The following SMAD9 variants were observed in gnomAD, a reference collection of about 807,000 sequenced individuals.
SMAD9 encodes the protein SMAD family member 9, also known as MAD homolog 9.
SMAD9 carries 36 observed loss-of-function variants against 46.1 expected under a neutral mutation model. The observed-to-expected ratio is 0.78, with a 90% CI of 0.60 to 1.03. The LOEUF (loss-of-function observed/expected upper bound fraction) is 1.03, where lower values mean the gene tolerates loss of function less well. SMAD9 is among the 50% of genes least tolerant of loss of function. The probability of loss-of-function intolerance (pLI) is 0.00; values close to 1 mark genes in which losing one functional copy is unlikely to be tolerated. For missense variants in SMAD9, 572 were observed against 599.8 expected, an observed-to-expected ratio of 0.95 and a Z score of 0.48; for synonymous variants, 245 against 237.1, an observed-to-expected ratio of 1.03 and a Z score of -0.31.
chr13:36,902,438 G>A (rs1246247820), intron 1 of SMAD9, among the ~76,000 whole-genome samples: 7 of 151,712 alleles, frequency 4.6e-5, no homozygotes, highest in Non-Finnish European at 1.0e-4. Context: ...TAGGAAATGC[G>A]AGTCCTTCAA....
chr13:36,856,254 A>G (rs2058123505), intron 5 of SMAD9, among the ~76,000 whole-genome samples: 2 of 152,228 alleles, frequency 1.3e-5, no homozygotes, highest in Admixed American at 6.5e-5. Context: ...TGGAGCTGCT[A>G]AGGATTTAGT....
chr13:36,914,444 G>A (rs1396863001), intron 1 of SMAD9, among the ~76,000 whole-genome samples: 4 of 152,102 alleles, frequency 2.6e-5, no homozygotes, highest in African/African-American at 9.7e-5. Flanking sequence ...GCATGAACCC[G>A]GGAGGTGGAG....
At chr13:36,877,332 G>A (rs1016808613) in intron 2 of SMAD9, among the ~76,000 whole-genome samples, 7 of 152,074 alleles carry the variant, frequency 4.6e-5, no homozygotes, top group Admixed American at 6.5e-5. Context: ...ACTGCACACC[G>A]GCCTGCCAAC....
chr13:36,859,420 T>C (rs1304130742), intron 5 of SMAD9, among the ~76,000 whole-genome samples: 6 of 152,104 alleles, frequency 3.9e-5, no homozygotes, highest in Admixed American at 3.9e-4. Flanking sequence ...TTCTAAGTCA[T>C]AGGATGAGAT....
intron 1 of SMAD9, among the ~76,000 whole-genome samples, chr13:36,883,488 C>T (rs970956596): frequency 6.6e-6 from 1 of 152,218 alleles, no homozygotes; most frequent in Admixed American, 6.5e-5. Context: ...CAGTGGCTCT[C>T]GCCTGTAATC....
At chr13:36,891,769 G>A (rs770959286) in intron 1 of SMAD9, among the ~76,000 whole-genome samples, 2 of 152,166 alleles carry the variant, frequency 1.3e-5, no homozygotes, top group Admixed American at 6.6e-5. Flanking sequence ...CAGTTATGGT[G>A]TAACTGAGGA....
chr13:36,892,665 G>C (rs2058497378), intron 1 of SMAD9, among the ~76,000 whole-genome samples: 1 of 152,110 alleles, frequency 6.6e-6, no homozygotes, highest in Non-Finnish European at 1.5e-5. Flanking sequence ...TTTCTCAGTA[G>C]GTTTAAGTTT....
At chr13:36,903,193 C>G (rs1028399059) in intron 1 of SMAD9, among the ~76,000 whole-genome samples, 2 of 144,342 alleles carry the variant, frequency 1.4e-5, no homozygotes, top group African/African-American at 5.2e-5. Flanking sequence ...GTGACGCCAT[C>G]TTAGCTCACT....
intron 5 of SMAD9, among the ~76,000 whole-genome samples, chr13:36,862,632 A>G (rs1399067021): frequency 6.6e-6 from 1 of 152,248 alleles, no homozygotes; most frequent in African/African-American, 2.4e-5. Flanking sequence ...TCAGTCGAAC[A>G]GCCCATGCTG....
Position 36,844,919 on chromosome 13 carries a change from A to C in SMAD9, c.*3757T>G, listed in dbSNP as rs1461824945. On this transcript the variant is annotated 3_prime_UTR_variant, in exon 7 of 7. Coordinates refer to ENST00000379826, the MANE Select transcript of SMAD9 (RefSeq NM_001127217.3). ...AACCGAAGCCAAGTTATTATAATAG[A>C]AAGCATGACTTCACTCAAATAGACA... 1 of 150,356 alleles carries C rather than the reference A, an allele frequency of 6.7e-6. No individual in the cohort carries two copies. Among genetic ancestry groups the C allele is most frequent in the African/African-American group, 2.4e-5 (1 of 41,296 alleles). The allele number at this position is 150,356 out of a possible 1,614,324, so 9.3% of individuals were successfully genotyped here.
intron 6 of SMAD9, among the ~76,000 whole-genome samples, chr13:36,852,717 GCTTT>G (rs1386989699): frequency 1.3e-5 from 2 of 152,124 alleles, no homozygotes; most frequent in Non-Finnish European, 2.9e-5. Context: ...GTGCCTGTAT[GCTTT>G]CTAAGAGTAA....
At chr13:36,898,461 A>C (rs1001643364) in intron 1 of SMAD9, among the ~76,000 whole-genome samples, 2 of 152,164 alleles carry the variant, frequency 1.3e-5, no homozygotes, top group Non-Finnish European at 2.9e-5. Context: ...TATTAGAAAA[A>C]AAAAGAAAAC....
chr13:36,883,712 C>T (rs963689046), intron 1 of SMAD9, among the ~76,000 whole-genome samples: 4 of 152,204 alleles, frequency 2.6e-5, no homozygotes, highest in Non-Finnish European at 5.9e-5. Flanking sequence ...GATTGTGCCA[C>T]TGCACTCCAG....
At chr13:36,867,042 GT>G (rs2058241619) in intron 4 of SMAD9, among the ~76,000 whole-genome samples, 1 of 152,128 alleles carries the variant, frequency 6.6e-6, no homozygotes, top group African/African-American at 2.4e-5. Flanking sequence ...TAAATGCTGA[GT>G]TAAAATAAAA....
intron 5 of SMAD9, among the ~76,000 whole-genome samples, chr13:36,856,499 A>G (rs895377831): frequency 6.6e-6 from 1 of 152,160 alleles, no homozygotes; most frequent in African/African-American, 2.4e-5. Flanking sequence ...AGCCAATGGG[A>G]CCAGCATGCG....
intron 1 of SMAD9, among the ~76,000 whole-genome samples, chr13:36,881,341 C>T (rs1201952028): frequency 6.6e-6 from 1 of 152,140 alleles, no homozygotes; most frequent in African/African-American, 2.4e-5. Flanking sequence ...ATCGATGTAG[C>T]TTATAATCTC....
At chr13:36,860,793 G>A (rs1203346435) in intron 5 of SMAD9, among the ~76,000 whole-genome samples, 1 of 152,032 alleles carries the variant, frequency 6.6e-6, no homozygotes, top group Non-Finnish European at 1.5e-5. Flanking sequence ...AGTGGGGGTA[G>A]CTATCATCAT....
intron 1 of SMAD9, among the ~76,000 whole-genome samples, chr13:36,909,748 G>A (rs2058645454): frequency 6.6e-6 from 1 of 152,198 alleles, no homozygotes; most frequent in Admixed American, 6.5e-5. Flanking sequence ...GGAAACAATA[G>A]TCACTACCTT....
At chr13:36,885,374 G>A (rs963126356) in intron 1 of SMAD9, among the ~76,000 whole-genome samples, 3 of 150,452 alleles carry the variant, frequency 2.0e-5, no homozygotes, top group African/African-American at 7.5e-5. Flanking sequence ...AGAAGAAACT[G>A]GGCTTAAAAC....
Sources: gnomAD v4.1 joint callset for allele counts (sites outside exome capture counted in the v4.1 genomes callset) on GRCh38, gnomAD v4.1.1 for gene constraint, MANE v1.5 for transcripts, NCBI Gene and HGNC (gene_info 2026-07-23, HGNC 2026-07-21) for gene names.